UNC5D: variants seen among roughly 807,000 people sequenced by gnomAD.
UNC5D encodes the protein netrin receptor UNC5D.
UNC5D carries 39 observed loss-of-function variants against 105.4 expected under a neutral mutation model. The observed-to-expected ratio is 0.37, with a 90% CI of 0.29 to 0.48. UNC5D has a LOEUF of 0.48. UNC5D is among the 20% of genes least tolerant of loss of function. The pLI, the probability that UNC5D is intolerant of heterozygous loss-of-function variation, is 0.98. For synonymous variants in UNC5D, 452 were observed against 450.4 expected (o/e 1.00, Z -0.04); for missense variants, 991 against 1,202.4 (o/e 0.82, Z 2.60).
At chr8:35,366,419 T>A (rs1455012205) in intron 1 of UNC5D, among the ~76,000 whole-genome samples, 2 of 152,088 alleles carry the variant, frequency 1.3e-5, no homozygotes, top group African/African-American at 4.8e-5. Flanking sequence ...ACACTCGGTC[T>A]TCAGGTCTCA....
chr8:35,651,183 G>A (rs777487826), intron 4 of UNC5D, among the ~76,000 whole-genome samples: 87 of 152,186 alleles, frequency 5.7e-4, no homozygotes, highest in Non-Finnish European at 1.0e-3. Flanking sequence ...GCCATTCTGG[G>A]TGGGACATGT....
At chr8:35,552,981 G>T (rs1234202560) in intron 2 of UNC5D, among the ~76,000 whole-genome samples, 1 of 152,174 alleles carries the variant, frequency 6.6e-6, no homozygotes, top group African/African-American at 2.4e-5. Flanking sequence ...TCAAATACCA[G>T]TGGCTCACTG....
At chr8:35,603,292 C>A (rs1456459827) in intron 4 of UNC5D, among the ~76,000 whole-genome samples, 2 of 152,116 alleles carry the variant, frequency 1.3e-5, no homozygotes, top group Admixed American at 1.3e-4. Flanking sequence ...GTCTTCATTT[C>A]ATTATGTACC....
intron 16 of UNC5D, among the ~76,000 whole-genome samples, chr8:35,782,502 A>AT (rs939339572): frequency 0.078 from 10,827 of 138,210 alleles, 881 homozygotes; most frequent in African/African-American, 0.18. Flanking sequence ...CTACTCAAAA[A>AT]TTTTTTTTTT....
chr8:35,409,074 T>C (rs13282746), intron 1 of UNC5D, among the ~76,000 whole-genome samples: 54,319 of 151,976 alleles, frequency 0.36, 10,591 homozygotes, highest in Middle Eastern at 0.46. Context: ...TGCTTATGTG[T>C]ATCATCCTTG....
chr8:35,766,303 GTGTC>G (rs1265493352), intron 14 of UNC5D, among the ~76,000 whole-genome samples: 2 of 152,012 alleles, frequency 1.3e-5, no homozygotes, highest in East Asian at 1.9e-4. Context: ...GGCCCTGTAT[GTGTC>G]TGTCTGTCTC....
At chr8:35,507,657 G>GT (rs967684500) in intron 1 of UNC5D, among the ~76,000 whole-genome samples, 4 of 151,904 alleles carry the variant, frequency 2.6e-5, no homozygotes, top group South Asian at 4.2e-4. Context: ...TGGTTAATGG[G>GT]TAAAAAAAAT....
intron 4 of UNC5D, among the ~76,000 whole-genome samples, chr8:35,643,700 A>G (rs1253582298): frequency 6.6e-6 from 1 of 152,126 alleles, no homozygotes; most frequent in Non-Finnish European, 1.5e-5. Flanking sequence ...TTTAAAAATC[A>G]GATCAGTCCT....
chr8:35,546,833 G>A (rs529432282), intron 1 of UNC5D, among the ~76,000 whole-genome samples: 59 of 152,090 alleles, frequency 3.9e-4, no homozygotes, highest in Non-Finnish European at 7.5e-4. Context: ...ATTCCACCCC[G>A]AAACCCCTCT....
chr8:35,421,446 A>G (rs1462897758), intron 1 of UNC5D, among the ~76,000 whole-genome samples: 1 of 152,234 alleles, frequency 6.6e-6, no homozygotes, highest in African/African-American at 2.4e-5. Flanking sequence ...CCACTATGTT[A>G]TTAACAAACA....
At chr8:35,365,387 A>G (rs1448054152) in intron 1 of UNC5D, among the ~76,000 whole-genome samples, 1 of 152,062 alleles carries the variant, frequency 6.6e-6, no homozygotes, top group Non-Finnish European at 1.5e-5. Context: ...CAGAGGATGA[A>G]GATCTCTGTG....
chr8:35,416,411 A>G (rs1281204166), intron 1 of UNC5D, among the ~76,000 whole-genome samples: 29 of 152,194 alleles, frequency 1.9e-4, no homozygotes, highest in Admixed American at 1.8e-3. Flanking sequence ...TACTTAAAAA[A>G]TGACTAATTG....
At chr8:35,473,184 A>G (rs1009156742) in intron 1 of UNC5D, among the ~76,000 whole-genome samples, 2 of 152,164 alleles carry the variant, frequency 1.3e-5, no homozygotes, top group Non-Finnish European at 2.9e-5. Flanking sequence ...GAAATGAGAG[A>G]TGGTGTAGTA....
At chr8:35,707,508 A>C (rs1827660684) in intron 8 of UNC5D, among the ~76,000 whole-genome samples, 1 of 152,068 alleles carries the variant, frequency 6.6e-6, no homozygotes, top group Non-Finnish European at 1.5e-5. Flanking sequence ...GAGAGAAATA[A>C]ACAGATCACT....
intron 13 of UNC5D, among the ~76,000 whole-genome samples, chr8:35,755,571 A>G (rs1034362084): frequency 6.6e-6 from 1 of 152,138 alleles, no homozygotes; most frequent in Non-Finnish European, 1.5e-5. Flanking sequence ...GCACACCTGA[A>G]TATTGCTGCC....
rs558893177 is a variant in UNC5D, at chr8:35,772,560, C to G, written c.2479-1739C>G. Among the ~76,000 whole-genome samples, 9 of 152,212 alleles carry G rather than the reference C, an allele frequency of 5.9e-5. No individual in the cohort carries two copies. In the East Asian group the frequency reaches 1.7e-3, roughly 30 times the overall value. On this transcript the variant is annotated intron_variant, in intron 15 of 16. Coordinates refer to ENST00000404895, the MANE Select transcript of UNC5D (RefSeq NM_080872.4). The stretch of plus-strand genomic sequence containing the variant: ...GGAGGGAAGGAAGGGCATGTGTGTA[C>G]TTGGAGGGCATAACAGGCAAGTTTC...
At chr8:35,764,544 A>C (rs565442083) in intron 14 of UNC5D, among the ~76,000 whole-genome samples, 1 of 152,302 alleles carries the variant, frequency 6.6e-6, no homozygotes, top group Non-Finnish European at 1.5e-5. Context: ...TACAAGTGAA[A>C]AGTCATTTGG....
intron 4 of UNC5D, among the ~76,000 whole-genome samples, chr8:35,606,344 C>G (rs535185761): frequency 1.3e-5 from 2 of 152,072 alleles, no homozygotes; most frequent in Non-Finnish European, 2.9e-5. Context: ...GTACAATGAC[C>G]GAACCAATAT....
At chr8:35,500,493 C>A (rs1200454796) in intron 1 of UNC5D, among the ~76,000 whole-genome samples, 5 of 152,192 alleles carry the variant, frequency 3.3e-5, no homozygotes, top group Non-Finnish European at 7.3e-5. Context: ...TTCTATTAAA[C>A]CATTCATGTT....
Sources: gnomAD v4.1 joint callset for allele counts (sites outside exome capture counted in the v4.1 genomes callset) on GRCh38, gnomAD v4.1.1 for gene constraint, MANE v1.5 for transcripts, NCBI Gene and HGNC (gene_info 2026-07-23, HGNC 2026-07-21) for gene names.